Variants in PCDH9 observed in about 807,000 individuals in gnomAD.
The protein encoded by PCDH9 is protocadherin-9.
Under a neutral mutation model 70.6 loss-of-function variants are expected in PCDH9, and 24 were observed. That is an observed-to-expected ratio of 0.34 (90% CI 0.25 to 0.48). The LOEUF (loss-of-function observed/expected upper bound fraction) is 0.48, where lower values mean the gene tolerates loss of function less well. PCDH9 is among the 20% of genes least tolerant of loss of function. The pLI, the probability that PCDH9 is intolerant of heterozygous loss-of-function variation, is 0.99. For synonymous variants in PCDH9, 562 were observed against 558.5 expected, an observed-to-expected ratio of 1.01 and a Z score of -0.09; for missense variants, 1,281 against 1,503.6, an observed-to-expected ratio of 0.85 and a Z score of 2.45.
At chr13:66,753,445 C>CT (rs2079491044) in intron 3 of PCDH9, among the ~76,000 whole-genome samples, 1 of 152,072 alleles carries the variant, frequency 6.6e-6, no homozygotes, top group African/African-American at 2.4e-5. Flanking sequence ...CAAAACATCA[C>CT]TATGGACCCC....
chr13:66,356,478 C>G (rs529870088), intron 4 of PCDH9, among the ~76,000 whole-genome samples: 33 of 152,106 alleles, frequency 2.2e-4, no homozygotes, highest in African/African-American at 7.5e-4. Context: ...AATTCTTGTT[C>G]TACAATTCTA....
chr13:66,675,703 T>C (rs754628169), intron 3 of PCDH9, among the ~76,000 whole-genome samples: 2 of 152,116 alleles, frequency 1.3e-5, no homozygotes, highest in African/African-American at 2.4e-5. Flanking sequence ...AAGCATCTAG[T>C]ACAGAATCAC....
chr13:66,485,402 A>T (rs946488038), intron 4 of PCDH9, among the ~76,000 whole-genome samples: 3 of 152,244 alleles, frequency 2.0e-5, no homozygotes, highest in Non-Finnish European at 4.4e-5. Context: ...AGTTAATAAA[A>T]TAATATGCTG....
chr13:66,686,191 T>A (rs1395663962), intron 3 of PCDH9, among the ~76,000 whole-genome samples: 3 of 152,168 alleles, frequency 2.0e-5, no homozygotes, highest in African/African-American at 7.2e-5. Context: ...AGGGACCCAG[T>A]GGGAGGTAAT....
intron 4 of PCDH9, among the ~76,000 whole-genome samples, chr13:66,627,220 A>T (rs2138922072): frequency 6.6e-6 from 1 of 152,268 alleles, no homozygotes; most frequent in Middle Eastern, 3.4e-3. Flanking sequence ...CATCCAATAG[A>T]AACCTATTTT....
At chr13:66,387,799 G>C (rs1477515186) in intron 4 of PCDH9, among the ~76,000 whole-genome samples, 3 of 152,040 alleles carry the variant, frequency 2.0e-5, no homozygotes, top group Non-Finnish European at 4.4e-5. Context: ...CATTTTTACT[G>C]CAGTTATTAC....
intron 2 of PCDH9, among the ~76,000 whole-genome samples, chr13:66,958,507 T>G (rs548293113): frequency 6.6e-6 from 1 of 152,274 alleles, no homozygotes; most frequent in African/African-American, 2.4e-5. Context: ...TGGATTTAAG[T>G]GGCTTTAATT....
chr13:66,526,562 T>C (rs1960227218), intron 4 of PCDH9, among the ~76,000 whole-genome samples: 1 of 151,914 alleles, frequency 6.6e-6, no homozygotes, highest in Non-Finnish European at 1.5e-5. Flanking sequence ...GTGCATAGCT[T>C]CACAATTCCC....
intron 2 of PCDH9, among the ~76,000 whole-genome samples, chr13:67,050,747 AT>A (rs1393861899): frequency 2.6e-5 from 4 of 152,170 alleles, no homozygotes; most frequent in African/African-American, 9.7e-5. Flanking sequence ...AAGCCAGCAA[AT>A]TCTCTGCTCT....
At chr13:66,443,645 C>T (rs549277720) in intron 4 of PCDH9, among the ~76,000 whole-genome samples, 99 of 152,034 alleles carry the variant, frequency 6.5e-4, no homozygotes, top group Middle Eastern at 6.8e-3. Flanking sequence ...GAAATGATTA[C>T]ATGAAGAGTT....
chr13:66,663,979 G>C (rs576531867), intron 3 of PCDH9, among the ~76,000 whole-genome samples: 1 of 152,112 alleles, frequency 6.6e-6, no homozygotes, highest in Non-Finnish European at 1.5e-5. Flanking sequence ...ATGGAGCTTG[G>C]AGCAAGATAA....
chr13:67,198,464 A>T (rs746034117), intron 2 of PCDH9, among the ~76,000 whole-genome samples: 4 of 151,896 alleles, frequency 2.6e-5, no homozygotes, highest in Admixed American at 1.3e-4. Context: ...CCCATTTGGC[A>T]TACACAACTT....
At chr13:67,050,036 T>A (rs1312755785) in intron 2 of PCDH9, among the ~76,000 whole-genome samples, 2 of 152,198 alleles carry the variant, frequency 1.3e-5, no homozygotes, top group Non-Finnish European at 2.9e-5. Context: ...CTCACAAGAT[T>A]TCCTGCAGGT....
intron 3 of PCDH9, among the ~76,000 whole-genome samples, chr13:66,726,514 G>A (rs1269249600): frequency 6.6e-6 from 1 of 152,114 alleles, no homozygotes; most frequent in Non-Finnish European, 1.5e-5. Context: ...AGTCCCTAGA[G>A]GCACACTAAG....
chr13:66,807,966 G>A (rs756863769), intron 3 of PCDH9, among the ~76,000 whole-genome samples: 8 of 152,118 alleles, frequency 5.3e-5, no homozygotes, highest in Admixed American at 1.3e-4. Flanking sequence ...GTGGTTGAGT[G>A]TTATGGGGGT....
At chr13:66,509,200 T>C (rs1246671657) in intron 4 of PCDH9, among the ~76,000 whole-genome samples, 6 of 152,156 alleles carry the variant, frequency 3.9e-5, no homozygotes, top group African/African-American at 1.4e-4. Context: ...TATTAAATCA[T>C]TTACTTTAGA....
chr13:66,992,970 T>C (rs1340071330), intron 2 of PCDH9, among the ~76,000 whole-genome samples: 1 of 150,452 alleles, frequency 6.6e-6, no homozygotes, highest in Admixed American at 6.6e-5. Context: ...GAAGAAAACA[T>C]GTCTGGCCAT....
At chr13:66,503,977 C>T (rs1220926034) in intron 4 of PCDH9, among the ~76,000 whole-genome samples, 1 of 152,150 alleles carries the variant, frequency 6.6e-6, no homozygotes, top group Non-Finnish European at 1.5e-5. Flanking sequence ...CAGGCTGTGT[C>T]GTAACTACGT....
intron 2 of PCDH9, among the ~76,000 whole-genome samples, chr13:67,104,566 T>G (rs2086497261): frequency 6.6e-6 from 1 of 152,146 alleles, no homozygotes; most frequent in African/African-American, 2.4e-5. Context: ...TTTTTTTTTT[T>G]GAGACGGAGT....
Sources: allele counts gnomAD v4.1 joint callset (sites outside exome capture counted in the v4.1 genomes callset), GRCh38; gene constraint gnomAD v4.1.1; transcripts MANE v1.5; gene names NCBI Gene and HGNC (gene_info 2026-07-23, HGNC 2026-07-21).